Variants in ELOA2 observed in about 807,000 individuals in gnomAD.
The protein encoded by ELOA2 is elongin-A2.
For missense variants in ELOA2, 1,271 were observed against 979.7 expected (o/e 1.30, Z -3.97); for synonymous variants, 497 against 398.8 (o/e 1.25, Z -2.94).
Position 47,033,423 on chromosome 18 carries a change from G to C in ELOA2, c.1842C>G (p.Ala614=). The stretch of plus-strand genomic sequence containing the variant: ...TCATTACTCTCAGCCGCTGCTCTGG[G>C]GCGTCCGGAAGCCGCAGGTACTGCT... ...WREQYLRLPD[A]PEQRLRVMTT... Residue 614 remains alanine, a synonymous_variant, in exon 1 of 1, where the codon GCC becomes GCG. Coordinates refer to ENST00000332567, the MANE Select transcript of ELOA2 (RefSeq NM_016427.3). The C allele has an allele frequency of 6.2e-7, 1 of 1,613,610 alleles. No homozygotes were observed. Among genetic ancestry groups the C allele is most frequent in the South Asian group, 1.1e-5 (1 of 91,078 alleles).
chr18:47,035,553 T>C lies in ELOA2; in HGVS notation c.-289A>G. The C allele has an allele frequency of 1.6e-6, 1 of 627,288 alleles. No individual in the cohort carries two copies. The highest frequency in any genetic ancestry group is 2.8e-6 in the Non-Finnish European group (1 of 358,384). The allele number at this position is 627,288 out of a possible 1,614,324, so 38.9% of individuals were successfully genotyped here. On this transcript the variant is annotated 5_prime_UTR_variant, in exon 1 of 1. Coordinates refer to ENST00000332567, the MANE Select transcript of ELOA2 (RefSeq NM_016427.3). ...TGCTGTGCAACAAAGAATGAAGCTC[T>C]GGTGCCAGAGCTGGGCCTTATGTAG...
rs139477376 is a variant in ELOA2, at chr18:47,033,562, T to A, written c.1703A>T (p.Tyr568Phe). The A allele has an allele frequency of 3.5e-4, 572 of 1,614,100 alleles. 2 individuals are homozygous for A. The highest frequency in any genetic ancestry group is 6.4e-5 in the Non-Finnish European group (76 of 1,180,050). Residue 568 changes from tyrosine (Y) to phenylalanine (F), a missense_variant, in exon 1 of 1, where the codon TAT (tyrosine) becomes TTT (phenylalanine). Physicochemically the swap from Tyr to Phe is conservative, Grantham distance 22. Coordinates refer to ENST00000332567, the MANE Select transcript of ELOA2 (RefSeq NM_016427.3). The stretch of plus-strand genomic sequence containing the variant: ...TGCGTGATTGTCTTTCTTTCTGCGA[T>A]ACAGCTGATCGGGCCTCCACCCTTC... ...VLEGWRPDQL[Y>F]RRKKDNHALV...
rs568977281 is a variant in ELOA2, at chr18:47,035,063, C to T, written c.202G>A (p.Asp68Asn). The T allele has an allele frequency of 3.5e-5, 57 of 1,610,898 alleles. 1 individual carries two copies. The highest frequency in any genetic ancestry group is 4.5e-5 in the Non-Finnish European group (53 of 1,179,732). The change falls in exon 1 of 1, where the codon GAC (aspartate) becomes AAC (asparagine). Residue 68 changes from aspartate (D) to asparagine (N), a missense_variant. Coordinates refer to ENST00000332567, the MANE Select transcript of ELOA2 (RefSeq NM_016427.3). ...KHQHVGDFAR[D>N]LAARWKKLVL... The stretch of plus-strand genomic sequence containing the variant: ...AGCTTCTTCCACCGGGCCGCTAAGT[C>T]TCTGGCAAAGTCGCCCACGTGCTGG...
chr18:47,034,047 T>C lies in ELOA2; in HGVS notation c.1218A>G (p.Ala406=). The change falls in exon 1 of 1, where the codon GCA becomes GCG. Residue 406 remains alanine, a synonymous_variant. Coordinates refer to ENST00000332567, the MANE Select transcript of ELOA2 (RefSeq NM_016427.3). ...KKKTGKSATT[A]LGDKQRKANE... is the part of the protein sequence containing the mutation. The stretch of plus-strand genomic sequence containing the variant: ...TTGCTTTCCTTTGTTTATCTCCAAG[T>C]GCAGTGGTGGCAGATTTTCCAGTCT... 1.2e-6 allele frequency: 2 copies of C among 1,614,194 alleles called. No homozygotes were observed. Among genetic ancestry groups the C allele is most frequent in the Non-Finnish European group, 1.7e-6 (2 of 1,180,030 alleles).
Position 47,033,028 on chromosome 18 carries a change from T to C in ELOA2, c.2237A>G (p.Tyr746Cys), listed in dbSNP as rs142085771. ...TTATCGTCGGGAGAATCTTCTCTTG[T>C]AGTCTCGAATTGCCTTGGCCATCAG... ...APLMAKAIRD[Y>C]KRRFSRR is the part of the protein sequence containing the mutation. Residue 746 changes from tyrosine to cysteine, a missense_variant, in exon 1 of 1, where the codon TAC becomes TGC. Transcript: ENST00000332567. 1,504 of 1,614,166 alleles carry C rather than the reference T, an allele frequency of 9.3e-4. 2 individuals are homozygous for C. Among genetic ancestry groups the C allele is most frequent in the Non-Finnish European group, 1.1e-3 (1,329 of 1,180,044 alleles).
Position 47,035,131 on chromosome 18 carries a change from G to T in ELOA2, c.134C>A (p.Ala45Glu), listed in dbSNP as rs769298786. The change falls in exon 1 of 1, where the codon GCG becomes GAG. Residue 45 changes from alanine (A) to glutamate (E), a missense_variant. Coordinates refer to ENST00000332567, the MANE Select transcript of ELOA2 (RefSeq NM_016427.3). The stretch of plus-strand genomic sequence containing the variant: ...CACCGTCTTTCTGATTCCAGTCTCC[G>T]CCAGGATGTCTGCCGTCATGGGCAA... The part of the protein sequence containing the change: ...SALPMTADIL[A>E]ETGIRKTVKR... 1.2e-5 allele frequency: 20 copies of T among 1,611,514 alleles called. No individual in the cohort carries two copies. In the Admixed American group the frequency reaches 1.5e-4, roughly 12 times the overall value.
chr18:47,035,281 A>C lies in ELOA2; in HGVS notation c.-17T>G. On this transcript the variant is annotated 5_prime_UTR_variant, in exon 1 of 1. Transcript: ENST00000332567. The stretch of plus-strand genomic sequence containing the variant: ...TGCCGCCATCTCACCAGAGCTGTGC[A>C]GGCGTCGCTGTCCCGGCGGTCGCAG... 6.2e-7 allele frequency: 1 copy of C among 1,612,302 alleles called. No individual in the cohort carries two copies. Among genetic ancestry groups the C allele is most frequent in the Non-Finnish European group, 8.5e-7 (1 of 1,179,786 alleles).
In ELOA2 at chr18:47,035,453, C is replaced by G; in HGVS notation, c.-189G>C. ...AGGCCACTTGGTCTGGAACGGCCGT[C>G]CTTGCAGACAGCTGAGCAGGCCCGC... On this transcript the variant is annotated 5_prime_UTR_variant, in exon 1 of 1. Coordinates refer to ENST00000332567, the MANE Select transcript of ELOA2 (RefSeq NM_016427.3). The G allele has an allele frequency of 7.8e-7, 1 of 1,279,828 alleles. No homozygotes were observed. Among genetic ancestry groups the G allele is most frequent in the Non-Finnish European group, 1.1e-6 (1 of 941,378 alleles). The allele number at this position is 1,279,828 out of a possible 1,614,324, so 79.3% of individuals were successfully genotyped here.
rs1258539668 is a variant in ELOA2, at chr18:47,034,912, G to A, written c.353C>T (p.Ala118Val). ...AGGGCTGTGAGATGGGCTCCTGGGG[G>A]CCGTCGCGTTTTCTGGGAAGCCCCA... ...KAWGFPENATAPRSPSHSPEH... is the reference protein window; with the variant it reads ...KAWGFPENATVPRSPSHSPEH... Residue 118 changes from alanine (A) to valine (V), a missense_variant, in exon 1 of 1, where the codon GCC (alanine) becomes GTC (valine). Physicochemically the swap from Ala to Val is moderately conservative, Grantham distance 64. Transcript: ENST00000332567. The A allele has an allele frequency of 6.2e-7, 1 of 1,611,888 alleles. No individual in the cohort carries two copies. The highest frequency in any genetic ancestry group is 1.1e-5 in the South Asian group (1 of 90,976).
At position 47,034,910 on chromosome 18, in the gene ELOA2, G is replaced by A. The variant is rs147724130; in HGVS notation, c.355C>T (p.Pro119Ser). The change falls in exon 1 of 1, where the codon CCC becomes TCC. Residue 119 changes from proline to serine, a missense_variant. Physicochemically the swap from Pro to Ser is moderately conservative, Grantham distance 74 (BLOSUM62 -1). Transcript: ENST00000332567. The stretch of plus-strand genomic sequence containing the variant: ...TCAGGGCTGTGAGATGGGCTCCTGG[G>A]GGCCGTCGCGTTTTCTGGGAAGCCC... The part of the protein sequence containing the change: ...AWGFPENATA[P>S]RSPSHSPEHR... 9.2e-4 allele frequency: 1,491 copies of A among 1,612,006 alleles called. 7 individuals are homozygous for A. Among genetic ancestry groups the A allele is most frequent in the Non-Finnish European group, 1.2e-3 (1,439 of 1,179,882 alleles).
chr18:47,034,034 G>T lies in ELOA2; in HGVS notation c.1231C>A (p.Gln411Lys), dbSNP rs2146953822. 1 of 1,614,156 alleles carries T rather than the reference G, an allele frequency of 6.2e-7. No individual in the cohort carries two copies. The highest frequency in any genetic ancestry group is 2.2e-5 in the East Asian group (1 of 44,884). The change falls in exon 1 of 1, where the codon CAA becomes AAA. Residue 411 changes from glutamine (Q) to lysine (K), a missense_variant. Physicochemically the swap from Gln to Lys is moderately conservative, Grantham distance 53 (BLOSUM62 1). Coordinates refer to ENST00000332567, the MANE Select transcript of ELOA2 (RefSeq NM_016427.3). ...KSATTALGDKQRKANESKGTR... is the reference protein window; with the variant it reads ...KSATTALGDKKRKANESKGTR... Reference sequence around the variant, plus strand: ...CCCTTGGATTCGTTTGCTTTCCTTTGTTTATCTCCAAGTGCAGTGGTGGCA... The same window carrying T: ...CCCTTGGATTCGTTTGCTTTCCTTTTTTTATCTCCAAGTGCAGTGGTGGCA...
chr18:47,033,152 G>T lies in ELOA2; in HGVS notation c.2113C>A (p.Leu705Ile). Residue 705 changes from leucine to isoleucine, a missense_variant, in exon 1 of 1, where the codon CTC becomes ATC. Physicochemically the swap from Leu to Ile is conservative, Grantham distance 5. Coordinates refer to ENST00000332567, the MANE Select transcript of ELOA2 (RefSeq NM_016427.3). The stretch of plus-strand genomic sequence containing the variant: ...CAGGGGTTGGCCCGCTTCTCAGGGA[G>T]CCAGCGAAGGATGCTGCTGCTGCTG... ...RDSSSSILRW[L>I]PEKRANPCLS... The T allele has an allele frequency of 6.2e-7, 1 of 1,614,050 alleles. No individual in the cohort carries two copies. The highest frequency in any genetic ancestry group is 8.5e-7 in the Non-Finnish European group (1 of 1,180,036).
chr18:47,033,486 G>C lies in ELOA2; in HGVS notation c.1779C>G (p.Phe593Leu). The C allele has an allele frequency of 4.3e-6, 7 of 1,614,142 alleles. No individual in the cohort carries two copies. The highest frequency in any genetic ancestry group is 5.9e-6 in the Non-Finnish European group (7 of 1,180,032). Residue 593 changes from phenylalanine to leucine, a missense_variant, in exon 1 of 1, where the codon TTC (phenylalanine) becomes TTG (leucine). Transcript: ENST00000332567. ...ELRRNHCFQD[F>L]KEEKPQENKT... The stretch of plus-strand genomic sequence containing the variant: ...TGTTTTCCTGTGGCTTTTCTTCCTT[G>C]AAGTCCTGGAAACAATGATTCCTCC...
rs2060622954 is a variant in ELOA2 at position 47,033,926 on chromosome 18, C to G, written c.1339G>C (p.Asp447His). ...GGCACCGTTTTCGGCCCGGCGGAAT[C>G]AGCGCCGGCCGCCTGCAGCCTCTCT... Reference protein sequence around the residue: ...QSERLQAAGADSAGPKTVPSH... With the variant: ...QSERLQAAGAHSAGPKTVPSH... Residue 447 changes from aspartate (D) to histidine (H), a missense_variant, in exon 1 of 1, where the codon GAT becomes CAT. Asp to His is a moderately conservative substitution (Grantham distance 81, BLOSUM62 -1). Coordinates refer to ENST00000332567, the MANE Select transcript of ELOA2 (RefSeq NM_016427.3). 2 of 1,612,860 alleles carry G rather than the reference C, an allele frequency of 1.2e-6. No individual in the cohort carries two copies. Among genetic ancestry groups the G allele is most frequent in the Non-Finnish European group, 1.7e-6 (2 of 1,180,034 alleles).
Position 47,033,751 on chromosome 18 carries a change from C to A in ELOA2, c.1514G>T (p.Gly505Val), listed in dbSNP as rs181268056. 1.9e-6 allele frequency: 3 copies of A among 1,614,204 alleles called. No homozygotes were observed. Among genetic ancestry groups the A allele is most frequent in the Non-Finnish European group, 2.5e-6 (3 of 1,180,048 alleles). Reference sequence around the variant, plus strand: ...CGGCATCTTAGCATTCACTCTGCGTCCAGGGAAAGCAGCTTCCTCCCGGAA... The same window carrying A: ...CGGCATCTTAGCATTCACTCTGCGTACAGGGAAAGCAGCTTCCTCCCGGAA... ...PKFREEAAFP[G>V]RRVNAKMPVY... Residue 505 changes from glycine (G) to valine (V), a missense_variant, in exon 1 of 1, where the codon GGA (glycine) becomes GTA (valine). Coordinates refer to ENST00000332567, the MANE Select transcript of ELOA2 (RefSeq NM_016427.3).
rs531443878 is a variant in ELOA2 at position 47,033,626 on chromosome 18, C to G, written c.1639G>C (p.Val547Leu). The G allele has an allele frequency of 6.2e-7, 1 of 1,614,200 alleles. No individual in the cohort carries two copies. Among genetic ancestry groups the G allele is most frequent in the Non-Finnish European group, 8.5e-7 (1 of 1,180,040 alleles). ...LRNNPDALSD[V>L]GEVPYWVLEP... ...AGAACCCAGTAGGGGACCTCTCCCA[C>G]GTCGCTGAGGGCGTCCGGATTGTTT... is the stretch of plus-strand genomic sequence containing the variant. Residue 547 changes from valine to leucine, a missense_variant, in exon 1 of 1, where the codon GTG (valine) becomes CTG (leucine). Transcript: ENST00000332567.
chr18:47,034,550 C>T lies in ELOA2; in HGVS notation c.715G>A (p.Ala239Thr), dbSNP rs1218319916. 2.5e-6 allele frequency: 4 copies of T among 1,614,116 alleles called. No homozygotes were observed. The highest frequency in any genetic ancestry group is 2.7e-5 in the African/African-American group (2 of 74,958). The change falls in exon 1 of 1, where the codon GCC becomes ACC. Residue 239 changes from alanine to threonine, a missense_variant. Physicochemically the swap from Ala to Thr is moderately conservative, Grantham distance 58. Coordinates refer to ENST00000332567, the MANE Select transcript of ELOA2 (RefSeq NM_016427.3). ...GTAGGGGAGTGCCAATCTCCCTGGG[C>T]ACACAAGGGGCGTTTTTCCTGGCGA... ...SSRQEKRPLC[A>T]QGDWHSPTLI... is the part of the protein sequence containing the mutation.
At position 47,034,280 on chromosome 18, in the gene ELOA2, T is replaced by A. The variant is rs1329448558; in HGVS notation, c.985A>T (p.Thr329Ser). ...SLDGRDPGNGTHGLSPEEKEQ... is the reference protein window; with the variant it reads ...SLDGRDPGNGSHGLSPEEKEQ... ...TTCTCCTCGGGCGACAGGCCGTGTG[T>A]CCCATTTCCTGGGTCCCGGCCGTCT... is the stretch of plus-strand genomic sequence containing the variant. The change falls in exon 1 of 1, where the codon ACA becomes TCA. Residue 329 changes from threonine (T) to serine (S), a missense_variant. Transcript: ENST00000332567. 6.2e-7 allele frequency: 1 copy of A among 1,613,706 alleles called. No individual in the cohort carries two copies. Among genetic ancestry groups the A allele is most frequent in the Non-Finnish European group, 8.5e-7 (1 of 1,179,702 alleles).
chr18:47,034,498 G>GA, the ELOA2 span: 10 of 1,614,064 alleles, frequency 6.2e-6, no homozygotes, highest in South Asian at 9.9e-5. Flanking sequence ...TCTTAAGCAG[G>GA]CCCCGCATGA....
Sources: gnomAD v4.1 joint callset for allele counts on GRCh38, gnomAD v4.1.1 for gene constraint, MANE v1.5 for transcripts, NCBI Gene and HGNC (gene_info 2026-07-23, HGNC 2026-07-21) for gene names.